Variants in CCSER1 observed in about 807,000 individuals in gnomAD.
The protein encoded by CCSER1 is coiled-coil serine rich protein 1, also known as serine-rich coiled-coil domain-containing protein 1.
CCSER1 carries 41 observed loss-of-function variants against 82.0 expected under a neutral mutation model. The ratio of observed to expected loss-of-function variants is 0.50; its 90% confidence interval spans 0.39 to 0.65. The LOEUF (loss-of-function observed/expected upper bound fraction) is 0.65, where lower values mean the gene tolerates loss of function less well. Ranked by LOEUF, CCSER1 falls within the 30% of genes least tolerant of loss-of-function variation. The probability of loss-of-function intolerance (pLI) is 0.00; values close to 1 mark genes in which losing one functional copy is unlikely to be tolerated. For synonymous variants in CCSER1, 414 were observed against 383.9 expected, an observed-to-expected ratio of 1.08 and a Z score of -0.92; for missense variants, 1,119 against 1,064.2, an observed-to-expected ratio of 1.05 and a Z score of -0.72.
Position 91,125,227 on chromosome 4 carries a change from T to A in CCSER1, c.2217+39233T>A, listed in dbSNP as rs72888547. Among the ~76,000 whole-genome samples the A allele has an allele frequency of 9.8e-3, 1,494 of 151,764 alleles. 25 individuals are homozygous for A. Among genetic ancestry groups the A allele is most frequent in the African/African-American group, 0.034 (1,409 of 41,498 alleles). On this transcript the variant is annotated intron_variant, in intron 10 of 10. Coordinates refer to ENST00000509176, the MANE Select transcript of CCSER1 (RefSeq NM_001145065.2). ...TTGTATACAATTAGCATGACACATG[T>A]TGTGTGATAATGTATATATGGGGAA...
At chr4:91,537,077 T>C (rs1761335561) in intron 10 of CCSER1, among the ~76,000 whole-genome samples, 1 of 152,098 alleles carries the variant, frequency 6.6e-6, no homozygotes, top group East Asian at 1.9e-4. Context: ...ATTGTAGCAC[T>C]AAAAATGGTT....
At chr4:90,911,354 A>G (rs1410597684) in intron 8 of CCSER1, 1 of 456,056 alleles carries the variant, frequency 2.2e-6, no homozygotes, top group Admixed American at 2.4e-5. Flanking sequence ...TGCCCCCATT[A>G]AAGGTGGGTG....
chr4:91,538,834 G>A (rs1056575479), intron 10 of CCSER1, among the ~76,000 whole-genome samples: 2 of 151,558 alleles, frequency 1.3e-5, no homozygotes, highest in African/African-American at 4.8e-5. Flanking sequence ...ACTTTAATCA[G>A]GGAAGGCTGA....
chr4:90,298,372 A>T (rs1306697184), intron 1 of CCSER1, among the ~76,000 whole-genome samples: 1 of 150,804 alleles, frequency 6.6e-6, no homozygotes, highest in Non-Finnish European at 1.5e-5. Context: ...CGTCTATTTG[A>T]TTCTTCTCTC....
At chr4:91,444,814 A>G (rs1243674535) in intron 10 of CCSER1, among the ~76,000 whole-genome samples, 4 of 152,168 alleles carry the variant, frequency 2.6e-5, no homozygotes, top group South Asian at 2.1e-4. Flanking sequence ...AAACGTTTAT[A>G]TATTTGTAGT....
At chr4:91,161,064 T>C (rs930915923) in intron 10 of CCSER1, among the ~76,000 whole-genome samples, 6 of 152,326 alleles carry the variant, frequency 3.9e-5, no homozygotes, top group Admixed American at 3.9e-4. Flanking sequence ...TAATCCATCT[T>C]GAATTAATTT....
rs1737687886 is a variant in CCSER1, at chr4:91,220,889, C to A, written c.2217+134895C>A. 2.6e-5 allele frequency among the ~76,000 whole-genome samples: 4 copies of A among 151,864 alleles called. No individual in the cohort carries two copies. The South Asian group carries it at 8.3e-4, about 32-fold the overall frequency. On this transcript the variant is annotated intron_variant, in intron 10 of 10. Coordinates refer to ENST00000509176, the MANE Select transcript of CCSER1 (RefSeq NM_001145065.2). The stretch of plus-strand genomic sequence containing the variant: ...TATATCAAAATATCATGTTTTACAC[C>A]TTAAATACATACAATTTAAAAAACA...
rs1743065908 is a variant in CCSER1, at chr4:91,283,477, G to A, written c.2217+197483G>A. On this transcript the variant is annotated intron_variant, in intron 10 of 10. Coordinates refer to ENST00000509176, the MANE Select transcript of CCSER1 (RefSeq NM_001145065.2). ...CATCAGCTAAGGAATTGGTGCAAGG[G>A]AACCTACTTTTTAAGGAGGCCACTT... is the stretch of plus-strand genomic sequence containing the variant. Among the ~76,000 whole-genome samples, 4 of 152,048 alleles carry A rather than the reference G, an allele frequency of 2.6e-5. 1 individual carries two copies. The highest frequency in any genetic ancestry group is 2.6e-4 in the Admixed American group (4 of 15,254).
chr4:91,540,641 T>C (rs1560748909), intron 10 of CCSER1, among the ~76,000 whole-genome samples: 1 of 152,150 alleles, frequency 6.6e-6, no homozygotes, highest in Non-Finnish European at 1.5e-5. Context: ...CAATCTAGGT[T>C]TTCTTCTGTT....
chr4:90,482,666 A>G (rs554401163), intron 5 of CCSER1, among the ~76,000 whole-genome samples: 1 of 152,204 alleles, frequency 6.6e-6, no homozygotes, highest in East Asian at 1.9e-4. Context: ...TTCAGTTTCC[A>G]TGTAGTTGAG....
At chr4:91,535,973 A>T (rs1033184570) in intron 10 of CCSER1, among the ~76,000 whole-genome samples, 1 of 152,012 alleles carries the variant, frequency 6.6e-6, no homozygotes, top group Non-Finnish European at 1.5e-5. Context: ...CCTTCAAAAA[A>T]CCAATCCTCC....
chr4:90,544,303 T>C (rs1393063568), intron 5 of CCSER1, among the ~76,000 whole-genome samples: 2 of 152,166 alleles, frequency 1.3e-5, no homozygotes, highest in African/African-American at 4.8e-5. Context: ...TAAGTATTTA[T>C]AATTCACTGC....
At chr4:90,796,857 A>G (rs753142209) in intron 7 of CCSER1, among the ~76,000 whole-genome samples, 2 of 152,110 alleles carry the variant, frequency 1.3e-5, no homozygotes, top group Admixed American at 1.3e-4. Flanking sequence ...ATTGTTTTTT[A>G]TGATTTCAGT....
At chr4:90,404,385 C>T (rs1385812838) in intron 4 of CCSER1, among the ~76,000 whole-genome samples, 1 of 152,128 alleles carries the variant, frequency 6.6e-6, no homozygotes, top group Non-Finnish European at 1.5e-5. Flanking sequence ...CTCTACCCTC[C>T]CTGGTGGCCT....
chr4:90,781,694 T>G (rs1447319306), intron 7 of CCSER1: 1 of 971,404 alleles, frequency 1.0e-6, no homozygotes, highest in Non-Finnish European at 1.2e-6. Flanking sequence ...TTAGGGACAA[T>G]AAAAATATCT....
In CCSER1 at chr4:91,360,758, AT is replaced by A. The variant is rs1276625823; in HGVS notation, c.2218-237808del. ...AGAGAAAGGATGCTACATTTGACAC[AT>A]TTTTTCCAACTTTTCTTCTTTATTG... On this transcript the variant is annotated intron_variant, in intron 10 of 10. Transcript: ENST00000509176. Among the ~76,000 whole-genome samples the A allele has an allele frequency of 2.0e-5, 3 of 151,714 alleles. No individual in the cohort carries two copies. The East Asian group carries it at 5.8e-4, about 29-fold the overall frequency.
chr4:90,981,351 A>T (rs1736097748), intron 9 of CCSER1, among the ~76,000 whole-genome samples: 1 of 151,830 alleles, frequency 6.6e-6, no homozygotes, highest in African/African-American at 2.4e-5. Context: ...CAGTTTATAC[A>T]CGGATGAAAA....
chr4:91,103,802 G>A (rs576553272), intron 10 of CCSER1, among the ~76,000 whole-genome samples: 24 of 152,216 alleles, frequency 1.6e-4, no homozygotes, highest in African/African-American at 5.1e-4. Context: ...GAGAATAACA[G>A]CGATTTTTAG....
At chr4:90,533,345 T>C (rs138343719) in intron 5 of CCSER1, among the ~76,000 whole-genome samples, 6,076 of 152,188 alleles carry the variant, frequency 0.04, 372 homozygotes, top group African/African-American at 0.14. Context: ...CCCGCCCGCC[T>C]TGGCCTCCCA....
Sources: allele counts gnomAD v4.1 joint callset (sites outside exome capture counted in the v4.1 genomes callset), GRCh38; gene constraint gnomAD v4.1.1; transcripts MANE v1.5; gene names NCBI Gene and HGNC (gene_info 2026-07-23, HGNC 2026-07-21).